The following CAPN14 variants were observed in gnomAD, a reference collection of about 807,000 sequenced individuals.
The protein encoded by CAPN14 is calpain-14.
In CAPN14, 94 loss-of-function variants were observed where a neutral mutation model predicts 101.3. The ratio of observed to expected loss-of-function variants is 0.93; its 90% CI spans 0.79 to 1.10. The LOEUF is 1.10. Among genes scored for constraint, CAPN14 ranks in the 50% least tolerant of loss-of-function variants. The pLI is 0.00. For missense variants in CAPN14, 837 were observed against 828.4 expected, an observed-to-expected ratio of 1.01 and a Z score of -0.13; for synonymous variants, 338 against 317.9, an observed-to-expected ratio of 1.06 and a Z score of -0.67.
rs1017586969 is a variant in CAPN14 at position 31,230,062 on chromosome 2, T to C, written c.-176-3411A>G. ...CTTTCATTTTAGGTTCGGGGGTACA[T>C]GTGAAGGTTTGTTATATAGGTAAAC... On this transcript the variant is annotated intron_variant and NMD_transcript_variant, in intron 1 of 21. Transcript: ENST00000398824. The surrounding 1 kb of genome is among the most constrained non-coding windows in gnomAD (Gnocchi z 4.3). Among the ~76,000 whole-genome samples, 1 of 152,204 alleles carries C rather than the reference T, an allele frequency of 6.6e-6. No individual in the cohort carries two copies. The highest frequency in any genetic ancestry group is 2.4e-5 in the African/African-American group (1 of 41,448).
At chr2:31,180,250 G>A (rs931585348) in intron 17 of CAPN14, among the ~76,000 whole-genome samples, 1 of 152,158 alleles carries the variant, frequency 6.6e-6, no homozygotes, top group African/African-American at 2.4e-5. Flanking sequence ...TCATACAGCT[G>A]GTGACAGAGC....
intron 2 of CAPN14, among the ~76,000 whole-genome samples, chr2:31,204,896 G>A (rs890069232): frequency 1.3e-5 from 2 of 152,194 alleles, no homozygotes; most frequent in Admixed American, 1.3e-4. Flanking sequence ...CGTGAGTACA[G>A]GTCACAACCT....
Position 31,174,188 on chromosome 2 carries a change from A to G in CAPN14, c.*493T>C, listed in dbSNP as rs1680186867. ...TATATCCCTGACCCCATCCCCAAAC[A>G]GCTGAAACTTAGCCTATGTCTCTAT... is the stretch of plus-strand genomic sequence containing the variant. On this transcript the variant is annotated 3_prime_UTR_variant, in exon 22 of 22. Coordinates refer to ENST00000403897, the MANE Select transcript of CAPN14 (RefSeq NM_001145122.2). The G allele has an allele frequency of 5.9e-6, 1 of 169,578 alleles. No homozygotes were observed. Among genetic ancestry groups the G allele is most frequent in the South Asian group, 1.6e-4 (1 of 6,176 alleles). 10.5% of individuals were successfully genotyped at this position (169,578 alleles called of 1,614,324 possible).
intron 2 of CAPN14, among the ~76,000 whole-genome samples, chr2:31,223,197 G>A (rs1186746886): frequency 2.6e-5 from 4 of 152,208 alleles, no homozygotes; most frequent in Non-Finnish European, 5.9e-5. Context: ...CTGGAGACAG[G>A]AATGTTTAAG....
chr2:31,176,092 C>T (rs544645202), intron 21 of CAPN14, among the ~76,000 whole-genome samples: 3 of 152,310 alleles, frequency 2.0e-5, no homozygotes, highest in East Asian at 1.9e-4. Context: ...GACTTGCAGG[C>T]GTGCCAGATT....
chr2:31,197,644 AC>A (rs902007710), intron 7 of CAPN14, among the ~76,000 whole-genome samples: 43 of 152,340 alleles, frequency 2.8e-4, no homozygotes, highest in Admixed American at 2.4e-3. Flanking sequence ...TGTGAACATG[AC>A]CCTATTTGGA....
chr2:31,200,072 C>T (rs746887396), intron 6 of CAPN14, among the ~76,000 whole-genome samples: 5 of 151,514 alleles, frequency 3.3e-5, no homozygotes, highest in African/African-American at 7.3e-5. Context: ...GGTGAGATCT[C>T]GGGTTACTGC....
chr2:31,230,105 G>A lies in CAPN14; in HGVS notation c.-176-3454C>T, dbSNP rs553719360. Among the ~76,000 whole-genome samples the A allele has an allele frequency of 6.6e-6, 1 of 152,270 alleles. No individual in the cohort carries two copies. The highest frequency in any genetic ancestry group is 6.5e-5 in the Admixed American group (1 of 15,292). On this transcript the variant is annotated intron_variant and NMD_transcript_variant, in intron 1 of 21. Transcript: ENST00000398824. This position sits in a 1 kb window ranked among gnomAD's most constrained non-coding sequence, Gnocchi z 4.3. ...AGGTAAACTAGTGTCATGGAGGTCT[G>A]TTGTACAGATGATTTCATCACCCAG...
At chr2:31,208,058 T>G (rs1437427180) in intron 1 of CAPN14, among the ~76,000 whole-genome samples, 1 of 152,142 alleles carries the variant, frequency 6.6e-6, no homozygotes, top group Non-Finnish European at 1.5e-5. Context: ...TATTCTTATT[T>G]GTCACGGGTG....
rs543452073 is a variant in CAPN14, at chr2:31,233,471, C to T, written c.-177+320G>A. ...GTGACTCCTCCCTGTATTCCCATGA[C>T]CCTCTGCTCATGCCTCCTCTTTAAA... On this transcript the variant is annotated intron_variant and NMD_transcript_variant, in intron 1 of 21. Coordinates refer to the CAPN14 transcript ENST00000398824. Among the ~76,000 whole-genome samples, 8 of 152,316 alleles carry T rather than the reference C, an allele frequency of 5.3e-5. No homozygotes were observed. In the East Asian group the frequency reaches 1.5e-3, roughly 29 times the overall value.
chr2:31,195,159 G>A (rs1681401143), intron 8 of CAPN14, among the ~76,000 whole-genome samples: 1 of 152,134 alleles, frequency 6.6e-6, no homozygotes, highest in Non-Finnish European at 1.5e-5. Context: ...TATCCGAAAG[G>A]AGGGGGCTAC....
intron 1 of CAPN14, among the ~76,000 whole-genome samples, chr2:31,216,592 T>A (rs1020545415): frequency 6.6e-6 from 1 of 152,006 alleles, no homozygotes; most frequent in Non-Finnish European, 1.5e-5. Context: ...CATCCAAGAA[T>A]TCTCCCCCTA....
rs116449907 is a variant in CAPN14 at position 31,187,093 on chromosome 2, C to T, written c.1588-608G>A. ...GACTTTAAATCAGGAGTGTCACTAA[C>T]ATAGGGGGCTCATATTCTCTGTTTT... On this transcript the variant is annotated intron_variant, in intron 15 of 21. Coordinates refer to ENST00000403897, the MANE Select transcript of CAPN14 (RefSeq NM_001145122.2). Among the ~76,000 whole-genome samples the T allele has an allele frequency of 6.3e-3, 961 of 152,310 alleles. 12 individuals are homozygous for T. The highest frequency in any genetic ancestry group is 0.022 in the African/African-American group (908 of 41,554).
chr2:31,209,588 A>T (rs1051895576), intron 1 of CAPN14, among the ~76,000 whole-genome samples: 2 of 152,222 alleles, frequency 1.3e-5, no homozygotes, highest in Admixed American at 1.3e-4. Context: ...CTCTCCTGAT[A>T]ACCCTCTGCC....
chr2:31,185,892 T>C (rs1332836300), intron 16 of CAPN14, among the ~76,000 whole-genome samples: 1 of 152,206 alleles, frequency 6.6e-6, no homozygotes, highest in Admixed American at 6.5e-5. Context: ...AATATATGTA[T>C]AAAATATTTT....
intron 1 of CAPN14, among the ~76,000 whole-genome samples, chr2:31,211,776 A>G (rs1382042869): frequency 2.0e-5 from 3 of 152,154 alleles, no homozygotes; most frequent in African/African-American, 7.2e-5. Context: ...ATTTTACTTT[A>G]TTAGACTGTT....
At chr2:31,232,396 A>T (rs1351710814) in intron 1 of CAPN14, among the ~76,000 whole-genome samples, 1 of 152,170 alleles carries the variant, frequency 6.6e-6, no homozygotes, top group Non-Finnish European at 1.5e-5. Context: ...CTGTCTCCTA[A>T]GTTTTGGAAT....
At chr2:31,177,210 C>G in intron 19 of CAPN14, 68 bp from the exon 20 acceptor site, 1 of 1,069,038 alleles carries the variant, frequency 9.4e-7, no homozygotes, top group Non-Finnish European at 1.4e-6. Flanking sequence ...CTGCTCAAGG[C>G]CCCTTCAAAT....
chr2:31,194,096 T>A (rs1681350960), intron 9 of CAPN14, among the ~76,000 whole-genome samples: 1 of 151,936 alleles, frequency 6.6e-6, no homozygotes, highest in Non-Finnish European at 1.5e-5. Context: ...CATGGCCTTT[T>A]CAGGACAAAA....
Sources: gnomAD v4.1 joint callset for allele counts (sites outside exome capture counted in the v4.1 genomes callset) on GRCh38, gnomAD v4.1.1 for gene constraint, Gnocchi (gnomAD v3.1) non-coding constraint, MANE v1.5 for transcripts, NCBI Gene and HGNC (gene_info 2026-07-23, HGNC 2026-07-21) for gene names.